The following POLR3K variants were observed in gnomAD, a reference collection of about 807,000 sequenced individuals.
The protein encoded by POLR3K is DNA-directed RNA polymerase III subunit RPC10.
In POLR3K, 11 loss-of-function variants were observed where a neutral mutation model predicts 13.5. That is an observed-to-expected ratio of 0.81 (90% CI 0.51 to 1.35). POLR3K has a LOEUF of 1.35. POLR3K is among the 40% of genes most tolerant of loss of function. The pLI, the probability that POLR3K is intolerant of heterozygous loss-of-function variation, is 0.00. For missense variants in POLR3K, 144 were observed against 145.3 expected, an observed-to-expected ratio of 0.99 and a Z score of 0.05; for synonymous variants, 56 against 51.5, an observed-to-expected ratio of 1.09 and a Z score of -0.38.
Position 47,469 on chromosome 16 carries a change from C to T in POLR3K, c.288G>A (p.Lys96=). Residue 96 remains lysine (K), a synonymous_variant, in exon 3 of 3, where the codon AAG becomes AAA. Coordinates refer to ENST00000293860, the MANE Select transcript of POLR3K (RefSeq NM_016310.5). ...GGTGTCCACACTGAGCATTGCAGCACTTGTAGAAGGTGGTCATCGGCTCAT... is the reference window on the plus strand; with the variant it reads ...GGTGTCCACACTGAGCATTGCAGCATTTGTAGAAGGTGGTCATCGGCTCAT... ...SADEPMTTFY[K]CCNAQCGHRW... 1.2e-6 allele frequency: 2 copies of T among 1,613,468 alleles called. No individual in the cohort carries two copies. The highest frequency in any genetic ancestry group is 1.7e-6 in the Non-Finnish European group (2 of 1,179,600).
chr16:50,123 A>T (rs1489731783), intron 2 of POLR3K, among the ~76,000 whole-genome samples: 1 of 151,480 alleles, frequency 6.6e-6, no homozygotes, highest in African/African-American at 2.4e-5. Flanking sequence ...ACGCCTGGCT[A>T]ATTTTTTGTA....
At chr16:51,884 T>A (rs894725191) in intron 1 of POLR3K, 1 of 365,050 alleles carries the variant, frequency 2.7e-6, no homozygotes, top group African/African-American at 2.1e-5. Flanking sequence ...GCCCGGCGTG[T>A]TGGCGGGCGC....
In POLR3K at chr16:47,445, G is replaced by A. The variant is rs573399996; in HGVS notation, c.312C>T (p.His104=). ...FYKCCNAQCG[H]RWRD is the part of the protein sequence containing the mutation. Reference sequence around the variant, plus strand: ...CATCCTGGCCCTAATCCCTCCAGCGGTGTCCACACTGAGCATTGCAGCACT... The same window carrying A: ...CATCCTGGCCCTAATCCCTCCAGCGATGTCCACACTGAGCATTGCAGCACT... The change falls in exon 3 of 3, where the codon CAC becomes CAT. Residue 104 remains histidine, a synonymous_variant. Transcript: ENST00000293860. The A allele has an allele frequency of 6.2e-7, 1 of 1,613,138 alleles. No homozygotes were observed. Among genetic ancestry groups the A allele is most frequent in the Admixed American group, 1.7e-5 (1 of 59,980 alleles).
Position 46,721 on chromosome 16 carries a change from C to CT in POLR3K, c.*708dup, listed in dbSNP as rs1360966884. 2 of 118,614 alleles carry CT rather than the reference C, an allele frequency of 1.7e-5. No individual in the cohort carries two copies. The highest frequency in any genetic ancestry group is 7.7e-5 in the African/African-American group (2 of 25,840). 7.3% of individuals were successfully genotyped at this position (118,614 alleles called of 1,614,324 possible). On this transcript the variant is annotated 3_prime_UTR_variant, in exon 3 of 3. Transcript: ENST00000293860. ...CCTGGGCGACAGAACAAGACTCTGT[C>CT]TTAAATAAATAAATAAATAAATAAA...
At chr16:48,996 A>G (rs1264183971) in intron 2 of POLR3K, among the ~76,000 whole-genome samples, 23 of 146,752 alleles carry the variant, frequency 1.6e-4, no homozygotes, top group Non-Finnish European at 2.9e-4. Flanking sequence ...TACCAAAACT[A>G]CAAAAATTAG....
intron 2 of POLR3K, among the ~76,000 whole-genome samples, chr16:48,189 C>G (rs2141833155): frequency 6.6e-6 from 1 of 152,076 alleles, no homozygotes; most frequent in South Asian, 2.1e-4. Flanking sequence ...CGTGCCCAGA[C>G]TACTTAATAT....
At chr16:47,612 T>C in intron 2 of POLR3K, 55 bp from the exon 3 acceptor site, 1 of 1,577,188 alleles carries the variant, frequency 6.3e-7, no homozygotes, top group Non-Finnish European at 8.6e-7. Flanking sequence ...TACTCATGGC[T>C]GTCAAAAGTA....
chr16:47,321 T>C lies in POLR3K; in HGVS notation c.*109A>G. The C allele has an allele frequency of 7.1e-7, 1 of 1,405,884 alleles. No homozygotes were observed. Among genetic ancestry groups the C allele is most frequent in the South Asian group, 1.4e-5 (1 of 72,782 alleles). The allele number at this position is 1,405,884 out of a possible 1,614,324, so 87.1% of individuals were successfully genotyped here. ...CTCTTCACCTCAAAAGGTTTATCTT[T>C]CCACCACACTAGCAAAGACCCTCAG... On this transcript the variant is annotated 3_prime_UTR_variant, in exon 3 of 3. Transcript: ENST00000293860.
At chr16:53,122 T>C in intron 1 of POLR3K, 1 of 245,394 alleles carries the variant, frequency 4.1e-6, no homozygotes, top group Non-Finnish European at 7.8e-6. Context: ...TGTCGGAACC[T>C]GGTAGGCCCT....
chr16:47,369 C>A lies in POLR3K; in HGVS notation c.*61G>T. The stretch of plus-strand genomic sequence containing the variant: ...CAGGACACACAACTCATACTGCCAG[C>A]TAAGCATCTACCCCGAGGGACAAGG... On this transcript the variant is annotated 3_prime_UTR_variant, in exon 3 of 3. Coordinates refer to ENST00000293860, the MANE Select transcript of POLR3K (RefSeq NM_016310.5). 1 of 1,572,628 alleles carries A rather than the reference C, an allele frequency of 6.4e-7. No individual in the cohort carries two copies. The highest frequency in any genetic ancestry group is 1.1e-5 in the South Asian group (1 of 88,254).
At chr16:52,379 AGAGGTTGCAGTGAGCC>A in intron 1 of POLR3K, among the ~76,000 whole-genome samples, 1 of 148,088 alleles carries the variant, frequency 6.8e-6, no homozygotes, top group Non-Finnish European at 1.5e-5. Flanking sequence ...CCCGGGAGGC[AGAGGTTGCAGTGAGCC>A]GAGATTACGC....
chr16:53,589 T>C lies in POLR3K; in HGVS notation c.-3A>G. 6.2e-7 allele frequency: 1 copy of C among 1,608,824 alleles called. No homozygotes were observed. Among genetic ancestry groups the C allele is most frequent in the Non-Finnish European group, 8.5e-7 (1 of 1,177,898 alleles). On this transcript the variant is annotated 5_prime_UTR_variant, in exon 1 of 3. Transcript: ENST00000293860. ...CAGCCGGGGCAGAACAGCAGCATGG[T>C]CTCGAACTCCGCAGGCTCCAACTCC...
chr16:47,615 CA>C, intron 2 of POLR3K, 58 bp from the exon 3 acceptor site: 2 of 1,571,106 alleles, frequency 1.3e-6, no homozygotes, highest in Non-Finnish European at 8.7e-7. Context: ...TCATGGCTGT[CA>C]AAAGTAGGTA....
intron 2 of POLR3K, among the ~76,000 whole-genome samples, chr16:50,195 G>A (rs1265864179): frequency 6.6e-6 from 1 of 152,086 alleles, no homozygotes; most frequent in Non-Finnish European, 1.5e-5. Context: ...CTGACCTCAG[G>A]TGATCCGCCC....
Position 47,567 on chromosome 16 carries a change from AG to A in POLR3K, c.200-11del. The A allele has an allele frequency of 1.2e-6, 2 of 1,610,606 alleles. No individual in the cohort carries two copies. The highest frequency in any genetic ancestry group is 1.7e-6 in the Non-Finnish European group (2 of 1,177,732). ...CATTTGGGACACGACTCTGGCAATG[AG>A]AAAAAAGAAGTGACCACATTTAAAA... On this transcript the variant is annotated splice_polypyrimidine_tract_variant and intron_variant, in intron 2 of 2. Transcript: ENST00000293860.
At position 47,488 on chromosome 16, in the gene POLR3K, G is replaced by C; in HGVS notation, c.269C>G (p.Pro90Arg). The change falls in exon 3 of 3, where the codon CCG (proline) becomes CGG (arginine). Residue 90 changes from proline (P) to arginine (R), a missense_variant. Pro to Arg is a moderately radical substitution (Grantham distance 103, BLOSUM62 -2). Coordinates refer to ENST00000293860, the MANE Select transcript of POLR3K (RefSeq NM_016310.5). ...MQLQTRSADE[P>R]MTTFYKCCNA... ...GCAGCACTTGTAGAAGGTGGTCATC[G>C]GCTCATCTGCAGAGCGGGTCTGAAG... 6.2e-7 allele frequency: 1 copy of C among 1,613,782 alleles called. No individual in the cohort carries two copies. Among genetic ancestry groups the C allele is most frequent in the Non-Finnish European group, 8.5e-7 (1 of 1,179,768 alleles).
rs906344814 is a variant in POLR3K, at chr16:46,536, C to T, written c.*894G>A. On this transcript the variant is annotated 3_prime_UTR_variant, in exon 3 of 3. Coordinates refer to ENST00000293860, the MANE Select transcript of POLR3K (RefSeq NM_016310.5). ...GGTCAGGAGTTGGAGACCAGCCCGA[C>T]CAACATGGAGAAACCCCATCTCTAC... The T allele has an allele frequency of 7.2e-5, 11 of 152,050 alleles. No individual in the cohort carries two copies. Among genetic ancestry groups the T allele is most frequent in the African/African-American group, 2.7e-4 (11 of 41,396 alleles). 9.4% of individuals were successfully genotyped at this position (152,050 alleles called of 1,614,324 possible).
chr16:49,124 G>A (rs1049222674), intron 2 of POLR3K, among the ~76,000 whole-genome samples: 7 of 151,134 alleles, frequency 4.6e-5, no homozygotes, highest in African/African-American at 1.5e-4. Flanking sequence ...CTACACTCCA[G>A]CCTGGGCAAA....
chr16:51,475 A>G, intron 2 of POLR3K, 83 bp downstream of exon 2: 1 of 1,012,478 alleles, frequency 9.9e-7, no homozygotes, highest in Non-Finnish European at 1.5e-6. Flanking sequence ...CATTTATATG[A>G]CATCATAGAC....
Sources: gnomAD v4.1 joint callset for allele counts (sites outside exome capture counted in the v4.1 genomes callset) on GRCh38, gnomAD v4.1.1 for gene constraint, MANE v1.5 for transcripts, NCBI Gene and HGNC (gene_info 2026-07-23, HGNC 2026-07-21) for gene names.